The following MME variants were observed in gnomAD, a reference collection of about 807,000 sequenced individuals.
The protein encoded by MME is neprilysin.
MME carries 98 observed loss-of-function variants against 113.2 expected under a neutral mutation model. The observed-to-expected ratio is 0.87, with a 90% CI of 0.74 to 1.02. The LOEUF (loss-of-function observed/expected upper bound fraction) is 1.02. Ranked by LOEUF, MME falls within the 50% of genes least tolerant of loss-of-function variation. MME has a pLI of 0.00. For missense variants in MME, 836 were observed against 896.0 expected (o/e 0.93, Z 0.86); for synonymous variants, 292 against 300.6 (o/e 0.97, Z 0.30).
rs780671681 is a variant in MME, at chr3:155,172,576, C to T, written c.2117C>T (p.Ser706Phe). The T allele has an allele frequency of 1.2e-6, 2 of 1,613,090 alleles. No individual in the cohort carries two copies. Among genetic ancestry groups the T allele is most frequent in the Non-Finnish European group, 1.7e-6 (2 of 1,179,276 alleles). ...GTYRPEYAVNSIKTDVHSPGN... is the reference protein window; with the variant it reads ...GTYRPEYAVNFIKTDVHSPGN... The stretch of plus-strand genomic sequence containing the variant: ...TATAGGCCAGAGTATGCGGTTAACT[C>T]CATTAAAACAGATGTGCACAGTCCA... The change falls in exon 22 of 23, where the codon TCC (serine) becomes TTC (phenylalanine). Residue 706 changes from serine (S) to phenylalanine (F), a missense_variant. Coordinates refer to ENST00000360490, the MANE Select transcript of MME (RefSeq NM_007289.4).
upstream of MME, among the ~76,000 whole-genome samples, chr3:155,076,605 A>C (rs1714758223): frequency 1.3e-5 from 2 of 152,238 alleles, no homozygotes; most frequent in South Asian, 4.1e-4. Context: ...ATAAAGTGAA[A>C]TCAAGTTTAT....
At chr3:155,159,723 CTG>C (rs1351125503) in intron 16 of MME, among the ~76,000 whole-genome samples, 1 of 151,942 alleles carries the variant, frequency 6.6e-6, no homozygotes, top group Non-Finnish European at 1.5e-5. Flanking sequence ...TATAAAATCT[CTG>C]GGTTCTATAC....
intron 22 of MME, among the ~76,000 whole-genome samples, chr3:155,176,351 A>G (rs1440655139): frequency 6.6e-6 from 1 of 152,192 alleles, no homozygotes; most frequent in Non-Finnish European, 1.5e-5. Flanking sequence ...TTTCAAGTAA[A>G]TCACCTTAAG....
intron 1 of MME, among the ~76,000 whole-genome samples, chr3:155,072,167 CAA>C (rs71155031): frequency 6.1e-5 from 4 of 65,074 alleles, no homozygotes; most frequent in East Asian, 5.5e-4. Flanking sequence ...GACTCCGTCT[CAA>C]AAAAAAAAAA....
chr3:155,118,617 G>T, intron 7 of MME, 129 bp from the exon 8 acceptor site: 1 of 681,220 alleles, frequency 1.5e-6, no homozygotes. Context: ...TATTTATTGA[G>T]TGTCTGATGG....
intron 3 of MME, among the ~76,000 whole-genome samples, chr3:155,105,779 A>G (rs565277952): frequency 2.0e-5 from 3 of 152,220 alleles, no homozygotes; most frequent in Admixed American, 6.5e-5. Context: ...GAAAGCATTT[A>G]AAAAACAGCC....
chr3:155,116,655 T>C lies in MME; in HGVS notation c.440-9T>C, dbSNP rs1417267060. The C allele has an allele frequency of 6.2e-7, 1 of 1,608,964 alleles. No homozygotes were observed. Among genetic ancestry groups the C allele is most frequent in the Admixed American group, 1.7e-5 (1 of 59,604 alleles). ...TTCTAATTGAATTTATGTTTGTTGTTTCCAAAAGCTGCTATTGATAGCAGA... is the reference window on the plus strand; with the variant it reads ...TTCTAATTGAATTTATGTTTGTTGTCTCCAAAAGCTGCTATTGATAGCAGA... On this transcript the variant is annotated splice_polypyrimidine_tract_variant and intron_variant, in intron 5 of 22. Transcript: ENST00000360490.
chr3:155,090,697 A>G (rs113162554), intron 3 of MME, among the ~76,000 whole-genome samples: 5 of 152,278 alleles, frequency 3.3e-5, no homozygotes, highest in African/African-American at 1.2e-4. Flanking sequence ...GGAATTTTCT[A>G]TTTAATATAT....
At chr3:155,076,379 C>G (rs1714751167), upstream of MME, among the ~76,000 whole-genome samples, 1 of 152,080 alleles carries the variant, frequency 6.6e-6, no homozygotes, top group Non-Finnish European at 1.5e-5. Context: ...GTATGAAGTC[C>G]CTTGGCACTT....
At chr3:155,154,468 AG>A (rs1454117670) in intron 16 of MME, among the ~76,000 whole-genome samples, 6 of 152,272 alleles carry the variant, frequency 3.9e-5, no homozygotes, top group African/African-American at 1.4e-4. Context: ...TAAAATGAGT[AG>A]GCTGTGCTAG....
chr3:155,090,756 G>T (rs1290664007), intron 3 of MME, among the ~76,000 whole-genome samples: 1 of 152,220 alleles, frequency 6.6e-6, no homozygotes, highest in African/African-American at 2.4e-5. Flanking sequence ...TGAAACCACA[G>T]ATATGGGGGA....
At chr3:155,032,789 G>A (rs1024614889) in intron 1 of MME, among the ~76,000 whole-genome samples, 1 of 152,144 alleles carries the variant, frequency 6.6e-6, no homozygotes, top group Non-Finnish European at 1.5e-5. Context: ...CACAAAGTTC[G>A]AGGATAGACT....
chr3:155,100,329 A>C (rs1717099966), intron 3 of MME, among the ~76,000 whole-genome samples: 1 of 152,168 alleles, frequency 6.6e-6, no homozygotes, highest in Non-Finnish European at 1.5e-5. Context: ...CATCAGAGAA[A>C]TGCAAATCAA....
Position 155,118,676 on chromosome 3 carries a change from A to G in MME, c.655-70A>G, listed in dbSNP as rs181381862. The G allele has an allele frequency of 4.0e-4, 394 of 983,890 alleles. 1 individual carries two copies. The highest frequency in any genetic ancestry group is 1.0e-3 in the Admixed American group (52 of 50,676). 60.9% of individuals were successfully genotyped at this position (983,890 alleles called of 1,614,324 possible). ...GGATCTTTCACATACATAGATAGACATGCTTGTATTTTTCAAACTTTTCTA... is the reference window on the plus strand; with the variant it reads ...GGATCTTTCACATACATAGATAGACGTGCTTGTATTTTTCAAACTTTTCTA... On this transcript the variant is annotated intron_variant, in intron 7 of 22. Transcript: ENST00000360490.
rs137950704 is a variant in MME at position 155,094,120 on chromosome 3, G to C, written c.196+9026G>C. Among the ~76,000 whole-genome samples the C allele has an allele frequency of 2.2e-3, 342 of 152,300 alleles. 1 individual carries two copies. Among genetic ancestry groups the C allele is most frequent in the Middle Eastern group, 0.01 (3 of 294 alleles). On this transcript the variant is annotated intron_variant, in intron 3 of 22. Transcript: ENST00000360490. Reference sequence around the variant, plus strand: ...AACTGATATGTGCAGGAGAAGGGCTGTTAAATTATAAACTTTATTTCAAAG... The same window carrying C: ...AACTGATATGTGCAGGAGAAGGGCTCTTAAATTATAAACTTTATTTCAAAG...
intron 7 of MME, among the ~76,000 whole-genome samples, chr3:155,118,480 C>A (rs1576606385): frequency 6.6e-6 from 1 of 152,192 alleles, no homozygotes; most frequent in African/African-American, 2.4e-5. Flanking sequence ...TTAAAAATCC[C>A]TCCTAGTAAA....
At chr3:155,084,955 A>G in intron 2 of MME, 104 bp from the exon 3 acceptor site, 2 of 718,044 alleles carry the variant, frequency 2.8e-6, no homozygotes, top group Non-Finnish European at 4.7e-6. Context: ...TTCTTGCTTT[A>G]AGAAATTGCT....
At chr3:155,169,317 C>A (rs761229045) in intron 20 of MME, among the ~76,000 whole-genome samples, 5 of 152,094 alleles carry the variant, frequency 3.3e-5, no homozygotes, top group Non-Finnish European at 7.4e-5. Flanking sequence ...GCCTTGTAGT[C>A]AACCACACTA....
rs370911005 is a variant in MME, at chr3:155,084,192, G to C, written c.25G>C (p.Asp9His). Residue 9 changes from aspartate (D) to histidine (H), a missense_variant, in exon 2 of 23, where the codon GAT becomes CAT. Physicochemically the swap from Asp to His is moderately conservative, Grantham distance 81 (BLOSUM62 -1). Coordinates refer to ENST00000360490, the MANE Select transcript of MME (RefSeq NM_007289.4). The stretch of plus-strand genomic sequence containing the variant: ...GATGGGCAAGTCAGAAAGTCAGATG[G>C]ATATAACTGATATCAACACTCCAAA... MGKSESQM[D>H]ITDINTPKPK... The C allele has an allele frequency of 3.7e-6, 6 of 1,613,884 alleles. No individual in the cohort carries two copies. The Admixed American group carries it at 8.3e-5, about 22-fold the overall frequency.
Sources: allele counts gnomAD v4.1 joint callset (sites outside exome capture counted in the v4.1 genomes callset), GRCh38; gene constraint gnomAD v4.1.1; transcripts MANE v1.5; gene names NCBI Gene and HGNC (gene_info 2026-07-23, HGNC 2026-07-21).